Variants in MYO1C observed in about 807,000 individuals in gnomAD.
MYO1C encodes myosin IC.
A neutral mutation model predicts 150.8 loss-of-function variants in MYO1C; 104 were observed. The ratio of observed to expected loss-of-function variants is 0.69; its 90% CI spans 0.59 to 0.81. The LOEUF (loss-of-function observed/expected upper bound fraction) is 0.81. MYO1C is among the 30% of genes least tolerant of loss of function. MYO1C has a pLI of 0.00. For synonymous variants in MYO1C, 663 were observed against 579.9 expected, an observed-to-expected ratio of 1.14 and a Z score of -2.06; for missense variants, 1,504 against 1,435.0, an observed-to-expected ratio of 1.05 and a Z score of -0.78.
Position 1,466,834 on chromosome 17 carries a change from C to T in MYO1C, c.3165+408G>A, listed in dbSNP as rs189835871. Among the ~76,000 whole-genome samples the T allele has an allele frequency of 2.0e-5, 3 of 151,770 alleles. No homozygotes were observed. The East Asian group carries it at 5.8e-4, about 29-fold the overall frequency. ...TAGAGATGGGGTTTCACGATGTTGGCCAGGCTGGTCTCGAACTCCTGATCT... is the reference window on the plus strand; with the variant it reads ...TAGAGATGGGGTTTCACGATGTTGGTCAGGCTGGTCTCGAACTCCTGATCT... On this transcript the variant is annotated intron_variant, in intron 31 of 31. Coordinates refer to ENST00000648651, the MANE Select transcript of MYO1C (RefSeq NM_001080779.2).
intron 25 of MYO1C, 105 bp from the exon 26 acceptor site, chr17:1,468,601 G>T: frequency 1.1e-6 from 1 of 902,188 alleles, no homozygotes; most frequent in Non-Finnish European, 1.8e-6. Flanking sequence ...CCCGCTTGCT[G>T]GTCCCTCTCT....
chr17:1,482,399 G>T, intron 5 of MYO1C, 79 bp downstream of exon 5: 1 of 1,278,364 alleles, frequency 7.8e-7, no homozygotes, highest in Non-Finnish European at 1.1e-6. Context: ...ACCTGGAATA[G>T]TCCCTGGTAC....
rs549571242 is a variant in MYO1C, at chr17:1,478,562, C to A, written c.1212+54G>T. The stretch of plus-strand genomic sequence containing the variant: ...CAGCCCCACCCTGCAGCACCCCCCG[C>A]CTCGCCGACGGCCCTCCCTTCTGCC... On this transcript the variant is annotated intron_variant, in intron 10 of 31. Transcript: ENST00000648651. The surrounding 1 kb of genome is among the most constrained non-coding windows in gnomAD (Gnocchi z 6.3). The A allele has an allele frequency of 6.2e-7, 1 of 1,613,860 alleles. No individual in the cohort carries two copies. Among genetic ancestry groups the A allele is most frequent in the Non-Finnish European group, 8.5e-7 (1 of 1,179,932 alleles).
chr17:1,484,636 GC>G (rs2074613264), intron 1 of MYO1C: 2 of 501,726 alleles, frequency 4.0e-6, no homozygotes, highest in Non-Finnish European at 7.3e-6. Context: ...CCCGGGAGGT[GC>G]TGGTTTTGGG....
intron 1 of MYO1C, chr17:1,491,284 G>C (rs2150971753): frequency 6.5e-6 from 1 of 152,678 alleles, no homozygotes; most frequent in African/African-American, 2.4e-5. Context: ...GGCGGGTTTA[G>C]GCGGCTTCTC....
rs1375151808 is a variant in MYO1C at position 1,471,275 on chromosome 17, C to T, written c.2083G>A (p.Ala695Thr). 6.2e-7 allele frequency: 1 copy of T among 1,614,002 alleles called. No individual in the cohort carries two copies. Among genetic ancestry groups the T allele is most frequent in the African/African-American group, 1.3e-5 (1 of 75,020 alleles). The change falls in exon 20 of 32, where the codon GCT becomes ACT. Residue 695 changes from alanine to threonine, a missense_variant. Physicochemically the swap from Ala to Thr is moderately conservative, Grantham distance 58 (BLOSUM62 0). Transcript: ENST00000648651. ...TAGCCCAGGTGTCGGACCAGCACAG[C>T]CACCCCATCCTGCGGCCGTCCTGCC... ...TWAGRPQDGV[A>T]VLVRHLGYKP...
At chr17:1,471,037 C>T (rs775746113) in intron 21 of MYO1C, 34 bp downstream of exon 21, 2 of 1,604,456 alleles carry the variant, frequency 1.2e-6, no homozygotes, top group Non-Finnish European at 1.7e-6. Flanking sequence ...CAGAAGGGAC[C>T]CCGTGCAGCA....
At chr17:1,484,457 CTGAGGGCCTGGGT>C in intron 1 of MYO1C, 154 bp from the exon 2 acceptor site, 1 of 459,658 alleles carries the variant, frequency 2.2e-6, no homozygotes, top group Non-Finnish European at 3.5e-6. Context: ...GGCCTGGGTG[CTGAGGGCCTGGGT>C]GTGGTGGGCC....
chr17:1,491,928 C>A (rs2074740072), intron 1 of MYO1C: 1 of 155,598 alleles, frequency 6.4e-6, no homozygotes. Context: ...TCCTCCGGGC[C>A]CTTTGCATCT....
rs755850699 is a variant in MYO1C at position 1,480,620 on chromosome 17, C to T, written c.813G>A (p.Gln271=). 8 of 1,614,126 alleles carry T rather than the reference C, an allele frequency of 5.0e-6. No individual in the cohort carries two copies. The highest frequency in any genetic ancestry group is 3.3e-5 in the Admixed American group (2 of 60,020). ...CGTTGATGGAGGAGACTTTGGCACA[C>T]TGGCCCTGGAGGAAGGGCACAGCTG... ...PQSYLYLVKG[Q]CAKVSSINDK... Residue 271 remains glutamine, a synonymous_variant, in exon 7 of 32, where the codon CAG becomes CAA. Coordinates refer to ENST00000648651, the MANE Select transcript of MYO1C (RefSeq NM_001080779.2).
intron 3 of MYO1C, 35 bp downstream of exon 3, chr17:1,483,575 G>A: frequency 2.0e-6 from 3 of 1,508,370 alleles, no homozygotes; most frequent in Non-Finnish European, 2.7e-6. Flanking sequence ...GATGGAGACA[G>A]AGGGGTCGCT....
chr17:1,472,202 G>A lies in MYO1C; in HGVS notation c.1824C>T (p.Leu608=), dbSNP rs2074318764. Residue 608 remains leucine (L), a synonymous_variant, in exon 18 of 32, where the codon CTC becomes CTT. Coordinates refer to ENST00000648651, the MANE Select transcript of MYO1C (RefSeq NM_001080779.2). The part of the protein sequence containing the change: ...ETVATQFKMS[L]LQLVEILQSK... ...ACTGCAGGATCTCCACCAGCTGCAG[G>A]AGGCTCATCTTGAACTGGGTGGCGA... 5 of 1,614,176 alleles carry A rather than the reference G, an allele frequency of 3.1e-6. No individual in the cohort carries two copies. The highest frequency in any genetic ancestry group is 3.4e-6 in the Non-Finnish European group (4 of 1,180,016).
At chr17:1,469,345 G>A (rs967290226) in intron 25 of MYO1C, 186 bp downstream of exon 25, 23 of 641,372 alleles carry the variant, frequency 3.6e-5, no homozygotes, top group South Asian at 3.3e-4. Flanking sequence ...GGTAGGCGGG[G>A]TAAATACGGT....
chr17:1,472,297 C>T (rs894100855), intron 17 of MYO1C, 69 bp from the exon 18 acceptor site: 9 of 1,365,772 alleles, frequency 6.6e-6, no homozygotes, highest in Middle Eastern at 2.1e-4. Flanking sequence ...GCAGCGAGTA[C>T]CCCACTCCCC....
intron 14 of MYO1C, among the ~76,000 whole-genome samples, chr17:1,475,765 A>C (rs2074392743): frequency 6.6e-6 from 1 of 152,114 alleles, no homozygotes; most frequent in Non-Finnish European, 1.5e-5. Flanking sequence ...GAAGGCACGG[A>C]GATGTTTGTG....
intron 1 of MYO1C, chr17:1,485,577 GT>G: frequency 3.6e-6 from 3 of 828,866 alleles, no homozygotes; most frequent in Non-Finnish European, 4.6e-6. Flanking sequence ...TTCCCGGGAC[GT>G]TTTTCCACCC....
intron 1 of MYO1C, chr17:1,485,632 C>T: frequency 1.7e-6 from 2 of 1,153,376 alleles, no homozygotes; most frequent in Non-Finnish European, 1.1e-6. Flanking sequence ...GCCGAGGCGA[C>T]GCCGCGAGGT....
intron 3 of MYO1C, 29 bp downstream of exon 3, chr17:1,483,581 T>C: frequency 1.3e-6 from 2 of 1,535,358 alleles, no homozygotes; most frequent in Non-Finnish European, 1.8e-6. Flanking sequence ...GACAGAGGGG[T>C]CGCTCCCGGA....
rs971493558 is a variant in MYO1C, at chr17:1,471,051, A to G, written c.2212+20T>C. 1 of 1,612,088 alleles carries G rather than the reference A, an allele frequency of 6.2e-7. No individual in the cohort carries two copies. The stretch of plus-strand genomic sequence containing the variant: ...CCAGAAGGGACCCCGTGCAGCAGGA[A>G]GGGTAGGCCTCTCTCTCACCCAGGC... On this transcript the variant is annotated intron_variant, in intron 21 of 31. Coordinates refer to ENST00000648651, the MANE Select transcript of MYO1C (RefSeq NM_001080779.2).
Sources: gnomAD v4.1 joint callset for allele counts (sites outside exome capture counted in the v4.1 genomes callset) on GRCh38, gnomAD v4.1.1 for gene constraint, Gnocchi (gnomAD v3.1) non-coding constraint, MANE v1.5 for transcripts, NCBI Gene and HGNC (gene_info 2026-07-23, HGNC 2026-07-21) for gene names.